Variants in PDCD2L observed in about 807,000 individuals in gnomAD.
The protein encoded by PDCD2L is uS5 assembly chaperone PDCD2L.
In PDCD2L, 44 loss-of-function variants were observed where a neutral mutation model predicts 40.4. That is an observed-to-expected ratio of 1.09 (90% CI 0.86 to 1.40). PDCD2L has a LOEUF of 1.40. Among genes scored for constraint, PDCD2L ranks in the 40% most tolerant of loss-of-function variants. The pLI, the probability that PDCD2L is intolerant of heterozygous loss-of-function variation, is 0.00. For synonymous variants in PDCD2L, 194 were observed against 174.6 expected (o/e 1.11, Z -0.88); for missense variants, 470 against 453.7 (o/e 1.04, Z -0.33).
intron 5 of PDCD2L, among the ~76,000 whole-genome samples, chr19:34,419,264 G>A (rs1463222389): frequency 2.0e-5 from 3 of 151,766 alleles, no homozygotes; most frequent in African/African-American, 4.8e-5. Context: ...CAGGTTCAAC[G>A]ATTCTCCTGC....
intron 4 of PDCD2L, among the ~76,000 whole-genome samples, chr19:34,410,557 A>G (rs1346786124): frequency 2.6e-5 from 4 of 151,786 alleles, no homozygotes; most frequent in African/African-American, 9.7e-5. Flanking sequence ...TGGCCTAAAA[A>G]TTTGTTTTAG....
At chr19:34,421,958 C>T (rs895564167) in intron 6 of PDCD2L, 4 of 196,638 alleles carry the variant, frequency 2.0e-5, no homozygotes, top group African/African-American at 4.8e-5. Context: ...CGTGGTGGCA[C>T]GTGCCTGTAG....
intron 5 of PDCD2L, among the ~76,000 whole-genome samples, chr19:34,414,335 C>T (rs1029467166): frequency 7.9e-5 from 12 of 151,666 alleles, no homozygotes; most frequent in African/African-American, 2.9e-4. Context: ...GCCACCCTGC[C>T]CAGCTGATTT....
At chr19:34,425,364 A>G (rs1331457741) in intron 6 of PDCD2L, among the ~76,000 whole-genome samples, 4 of 150,682 alleles carry the variant, frequency 2.7e-5, no homozygotes, top group Non-Finnish European at 5.9e-5. Context: ...ACGGTGGTGC[A>G]ATCATAGCTT....
At chr19:34,418,559 C>G (rs1366367116) in intron 5 of PDCD2L, among the ~76,000 whole-genome samples, 2 of 152,170 alleles carry the variant, frequency 1.3e-5, no homozygotes, top group African/African-American at 2.4e-5. Flanking sequence ...CAGTGTTTGG[C>G]TATTATAAAT....
chr19:34,415,759 G>A (rs1302435585), intron 5 of PDCD2L, among the ~76,000 whole-genome samples: 1 of 152,164 alleles, frequency 6.6e-6, no homozygotes, highest in Non-Finnish European at 1.5e-5. Context: ...ATCCATAAAT[G>A]TCTAGTAGAG....
At chr19:34,412,115 G>A (rs2075106926) in intron 4 of PDCD2L, among the ~76,000 whole-genome samples, 1 of 151,362 alleles carries the variant, frequency 6.6e-6, no homozygotes, top group Non-Finnish European at 1.5e-5. Context: ...CACCTCCCAG[G>A]TTTAAGCAAT....
chr19:34,411,387 G>T (rs1018697155), intron 4 of PDCD2L, among the ~76,000 whole-genome samples: 9 of 151,136 alleles, frequency 6.0e-5, no homozygotes, highest in Non-Finnish European at 1.3e-4. Flanking sequence ...CCATAGGCGT[G>T]CGCCACTTCA....
At chr19:34,407,573 A>G (rs1242340547) in intron 3 of PDCD2L, among the ~76,000 whole-genome samples, 1 of 151,094 alleles carries the variant, frequency 6.6e-6, no homozygotes, top group African/African-American at 2.4e-5. Flanking sequence ...CTCCAGTTCC[A>G]TCCATGTTGT....
intron 3 of PDCD2L, among the ~76,000 whole-genome samples, chr19:34,408,091 A>G (rs971983558): frequency 2.0e-5 from 3 of 150,984 alleles, no homozygotes; most frequent in Non-Finnish European, 4.4e-5. Flanking sequence ...TATTTTTTGT[A>G]TAGATGGGAT....
intron 6 of PDCD2L, among the ~76,000 whole-genome samples, chr19:34,425,081 C>T (rs986709552): frequency 7.2e-5 from 11 of 152,090 alleles, no homozygotes; most frequent in African/African-American, 2.4e-4. Flanking sequence ...ATGTATTTCT[C>T]CTTTGCTGCT....
intron 3 of PDCD2L, among the ~76,000 whole-genome samples, chr19:34,405,334 C>T (rs909835493): frequency 3.3e-5 from 5 of 150,796 alleles, no homozygotes; most frequent in Non-Finnish European, 7.4e-5. Context: ...TTAATAGAGA[C>T]GGGGTTTCGC....
In PDCD2L at chr19:34,409,299, A is replaced by G. The variant is rs748865971; in HGVS notation, c.475A>G (p.Thr159Ala). The G allele has an allele frequency of 6.2e-7, 1 of 1,614,132 alleles. No homozygotes were observed. The highest frequency in any genetic ancestry group is 8.5e-7 in the Non-Finnish European group (1 of 1,180,030). Residue 159 changes from threonine (T) to alanine (A), a missense_variant, in exon 4 of 7, where the codon ACT becomes GCT. Physicochemically the swap from Thr to Ala is moderately conservative, Grantham distance 58. Coordinates refer to ENST00000246535, the MANE Select transcript of PDCD2L (RefSeq NM_032346.2). ...DASSAKDVDWTARLQDLRLQD... is the reference protein window; with the variant it reads ...DASSAKDVDWAARLQDLRLQD... ...CAGCAGTGCCAAAGACGTAGACTGG[A>G]CTGCTCGGCTCCAAGACCTCCGCCT...
chr19:34,416,725 A>T lies in PDCD2L; in HGVS notation c.797+2878A>T, dbSNP rs576246641. On this transcript the variant is annotated intron_variant, in intron 5 of 6. Transcript: ENST00000246535. ...GTTGCCCCCTTTAGGTGTGAGCTAG[A>T]TGAAAAATAGCATGCCACCCAGGTA... 2.6e-5 allele frequency among the ~76,000 whole-genome samples: 4 copies of T among 152,326 alleles called. No individual in the cohort carries two copies. The East Asian group carries it at 7.7e-4, about 29-fold the overall frequency.
chr19:34,416,647 A>T (rs2075127606), intron 5 of PDCD2L, among the ~76,000 whole-genome samples: 1 of 152,224 alleles, frequency 6.6e-6, no homozygotes, highest in Non-Finnish European at 1.5e-5. Flanking sequence ...ATGGACAGGA[A>T]ATCAATGAGA....
chr19:34,416,770 A>C (rs1599873655), intron 5 of PDCD2L, among the ~76,000 whole-genome samples: 3 of 152,316 alleles, frequency 2.0e-5, no homozygotes, highest in East Asian at 3.9e-4. Flanking sequence ...TGGCAAGAAC[A>C]GTTAAGGAAA....
At chr19:34,417,260 T>C in intron 5 of PDCD2L, among the ~76,000 whole-genome samples, 1 of 152,070 alleles carries the variant, frequency 6.6e-6, no homozygotes, top group Middle Eastern at 3.2e-3. Context: ...GAATCGGAAA[T>C]TGAATTGCTA....
intron 5 of PDCD2L, among the ~76,000 whole-genome samples, chr19:34,419,378 C>CT (rs2075139026): frequency 6.6e-6 from 1 of 152,110 alleles, no homozygotes; most frequent in Admixed American, 6.5e-5. Flanking sequence ...TGGTATCAAA[C>CT]TTTTGACCTC....
rs548597302 is a variant in PDCD2L at position 34,424,099 on chromosome 19, T to G, written c.947-1891T>G. ...CTGACAGTGAAAGCCCTGCCAGCCCTTTGCCCTGGTGCCTCCTGTCATTTC... is the reference window on the plus strand; with the variant it reads ...CTGACAGTGAAAGCCCTGCCAGCCCGTTGCCCTGGTGCCTCCTGTCATTTC... On this transcript the variant is annotated intron_variant, in intron 6 of 6. Coordinates refer to ENST00000246535, the MANE Select transcript of PDCD2L (RefSeq NM_032346.2). Among the ~76,000 whole-genome samples the G allele has an allele frequency of 8.7e-4, 133 of 152,158 alleles. 1 individual carries two copies. Among genetic ancestry groups the G allele is most frequent in the Non-Finnish European group, 1.6e-3 (109 of 68,002 alleles).
Sources: allele counts gnomAD v4.1 joint callset (sites outside exome capture counted in the v4.1 genomes callset), GRCh38; gene constraint gnomAD v4.1.1; transcripts MANE v1.5; gene names NCBI Gene and HGNC (gene_info 2026-07-23, HGNC 2026-07-21).